The following UACA variants were observed in gnomAD, a reference collection of about 807,000 sequenced individuals.
UACA encodes the protein uveal autoantigen with coiled-coil domains and ankyrin repeats.
A neutral mutation model predicts 160.5 loss-of-function variants in UACA; 112 were observed. That is an observed-to-expected ratio of 0.70 (90% CI 0.60 to 0.82). The LOEUF is 0.82. Among genes scored for constraint, UACA ranks in the 40% least tolerant of loss-of-function variants. UACA has a pLI of 0.00. For missense variants in UACA, 1,574 were observed against 1,614.6 expected (o/e 0.97, Z 0.43); for synonymous variants, 557 against 568.4 (o/e 0.98, Z 0.29).
intron 10 of UACA, among the ~76,000 whole-genome samples, chr15:70,678,728 A>G (rs924916952): frequency 6.6e-6 from 1 of 152,338 alleles, no homozygotes; most frequent in East Asian, 1.9e-4. Context: ...ACGGTGTTTC[A>G]GTCATAAAAT....
chr15:70,770,550 G>A, the UACA span, among the ~76,000 whole-genome samples: 1 of 152,164 alleles, frequency 6.6e-6, no homozygotes, highest in African/African-American at 2.4e-5. Context: ...ATTTAAAGTA[G>A]CCAATAAATT....
At chr15:70,758,870 C>T (rs1427366506) in intron 1 of UACA, 1 of 152,120 alleles carries the variant, frequency 6.6e-6, no homozygotes, top group Non-Finnish European at 1.5e-5. Context: ...CTTCTACAAT[C>T]AAAGTACTCT....
At chr15:70,721,344 G>A (rs533347504) in intron 1 of UACA, among the ~76,000 whole-genome samples, 50 of 152,326 alleles carry the variant, frequency 3.3e-4, no homozygotes, top group Middle Eastern at 3.4e-3. Flanking sequence ...CTACAGTTGC[G>A]GATGGGCGCG....
intron 1 of UACA, among the ~76,000 whole-genome samples, chr15:70,721,500 G>A (rs1898991631): frequency 6.6e-6 from 1 of 151,992 alleles, no homozygotes; most frequent in African/African-American, 2.4e-5. Context: ...GGTGGCGGGA[G>A]CCTGTAGTTC....
intron 17 of UACA, among the ~76,000 whole-genome samples, chr15:70,662,262 T>C (rs1308079456): frequency 5.3e-5 from 8 of 152,190 alleles, no homozygotes; most frequent in South Asian, 2.1e-4. Flanking sequence ...CCATTCACGA[T>C]TGCTTCAAAG....
In UACA at chr15:70,654,764, C is replaced by T. The variant is rs977133089; in HGVS notation, c.*2292G>A. 2 of 152,208 alleles carry T rather than the reference C, an allele frequency of 1.3e-5. No individual in the cohort carries two copies. Among genetic ancestry groups the T allele is most frequent in the Admixed American group, 6.5e-5 (1 of 15,284 alleles). 9.4% of individuals were successfully genotyped at this position (152,208 alleles called of 1,614,324 possible). A position where few individuals can be genotyped will look rare whatever the true frequency, so the allele number is the denominator to read the frequency against. On this transcript the variant is annotated 3_prime_UTR_variant, in exon 19 of 19. Transcript: ENST00000322954. ...ACTCATTACATCTTAGACAACGTCA[C>T]TCTTCTTTCCTCTTGGCCATATGTT...
At chr15:70,742,468 C>CTT (rs1899566185) in intron 1 of UACA, among the ~76,000 whole-genome samples, 1 of 152,170 alleles carries the variant, frequency 6.6e-6, no homozygotes, top group African/African-American at 2.4e-5. Flanking sequence ...TTTTTCACAT[C>CTT]TAACACTTGA....
chr15:70,711,538 A>T (rs1188167154), intron 1 of UACA, among the ~76,000 whole-genome samples: 2 of 151,980 alleles, frequency 1.3e-5, no homozygotes, highest in African/African-American at 4.8e-5. Context: ...TAATTACTAA[A>T]CACCTATGCG....
intron 13 of UACA, among the ~76,000 whole-genome samples, chr15:70,675,205 T>G (rs1266844153): frequency 6.6e-6 from 1 of 152,212 alleles, no homozygotes; most frequent in Non-Finnish European, 1.5e-5. Context: ...AGAGTTGATT[T>G]CTTTTTTGAG....
chr15:70,751,899 A>C (rs1417567490), intron 1 of UACA, among the ~76,000 whole-genome samples: 1 of 152,224 alleles, frequency 6.6e-6, no homozygotes, highest in African/African-American at 2.4e-5. Flanking sequence ...TTTTTAAAAA[A>C]AAACAAAGAG....
At chr15:70,694,058 C>T (rs562585820) in intron 3 of UACA, among the ~76,000 whole-genome samples, 1 of 152,180 alleles carries the variant, frequency 6.6e-6, no homozygotes, top group African/African-American at 2.4e-5. Context: ...TATTTATTTG[C>T]CCCTACATGG....
rs1897424680 is a variant in UACA at position 70,679,685 on chromosome 15, A to C, written c.823-9T>G. The C allele has an allele frequency of 6.4e-7, 1 of 1,562,098 alleles. No individual in the cohort carries two copies. The highest frequency in any genetic ancestry group is 2.4e-5 in the East Asian group (1 of 41,548). ...ATGTGTGTCAAATTTCGCTTTGGTA[A>C]AACATAAGAAAACACGGGTCAGCAA... On this transcript the variant is annotated splice_polypyrimidine_tract_variant and intron_variant, in intron 9 of 18. Transcript: ENST00000322954.
At chr15:70,741,371 C>T (rs1899529519) in intron 1 of UACA, among the ~76,000 whole-genome samples, 1 of 152,160 alleles carries the variant, frequency 6.6e-6, no homozygotes, top group South Asian at 2.1e-4. Context: ...AAACAGGGAT[C>T]TGGGGCATGT....
At chr15:70,739,790 A>C (rs1215075673) in intron 1 of UACA, among the ~76,000 whole-genome samples, 1 of 152,214 alleles carries the variant, frequency 6.6e-6, no homozygotes, top group Non-Finnish European at 1.5e-5. Context: ...GTGTATATAT[A>C]AGCCCCAGAT....
rs1200815816 is a variant in UACA at position 70,669,349 on chromosome 15, CTCTT to C, written c.1331_1334del (p.Lys444SerfsTer2). ...CACAGAAAGTTCGCATTGCTTCTAA[CTCTT>C]TCTTTAAAATTTCATTTTCAGAGTA... On this transcript the variant is annotated frameshift_variant, in exon 16 of 19. Transcript: ENST00000322954. LOFTEE classifies it high-confidence loss of function. The C allele has an allele frequency of 1.2e-5, 19 of 1,613,910 alleles. No homozygotes were observed. Among genetic ancestry groups the C allele is most frequent in the Non-Finnish European group, 1.4e-5 (17 of 1,179,952 alleles).
At chr15:70,673,449 C>A (rs1897204463) in intron 13 of UACA, among the ~76,000 whole-genome samples, 1 of 152,148 alleles carries the variant, frequency 6.6e-6, no homozygotes, top group Non-Finnish European at 1.5e-5. Context: ...TTAATGCCAC[C>A]TCCATTAATC....
chr15:70,661,666 T>G (rs1156299336), intron 17 of UACA: 1 of 152,186 alleles, frequency 6.6e-6, no homozygotes, highest in East Asian at 1.9e-4. Context: ...TGTGTATTAG[T>G]GCATAATTAA....
rs558015680 is a variant in UACA at position 70,683,586 on chromosome 15, G to A, written c.784+679C>T. Among the ~76,000 whole-genome samples, 15 of 152,166 alleles carry A rather than the reference G, an allele frequency of 9.9e-5. No homozygotes were observed. In the East Asian group the frequency reaches 2.7e-3, roughly 27 times the overall value. Reference sequence around the variant, plus strand: ...ATAAATAGCTTAAACACTACATGTAGAAAACTGCTTTATTAAATGAAACTT... The same window carrying A: ...ATAAATAGCTTAAACACTACATGTAAAAAACTGCTTTATTAAATGAAACTT... On this transcript the variant is annotated intron_variant, in intron 8 of 18. Coordinates refer to ENST00000322954, the MANE Select transcript of UACA (RefSeq NM_018003.4).
At chr15:70,760,245 CTAG>C (rs1339740837) in intron 1 of UACA, among the ~76,000 whole-genome samples, 4 of 151,554 alleles carry the variant, frequency 2.6e-5, no homozygotes, top group Admixed American at 2.6e-4. Context: ...AGAAAAAAAA[CTAG>C]AAGAAAGTTG....
Sources: allele counts gnomAD v4.1 joint callset (sites outside exome capture counted in the v4.1 genomes callset), GRCh38; gene constraint gnomAD v4.1.1; transcripts MANE v1.5; gene names NCBI Gene and HGNC (gene_info 2026-07-23, HGNC 2026-07-21).